The following AFF3 variants were observed in gnomAD, a reference collection of about 807,000 sequenced individuals.
The protein encoded by AFF3 is AF4/FMR2 family member 3.
In AFF3, 32 loss-of-function variants were observed where a neutral mutation model predicts 129.7. That is an observed-to-expected ratio of 0.25 (90% CI 0.19 to 0.33). AFF3 has a LOEUF of 0.33. AFF3 is among the 10% of genes least tolerant of loss of function. The pLI is 1.00. For missense variants in AFF3, 1,373 were observed against 1,592.0 expected, an observed-to-expected ratio of 0.86 and a Z score of 2.34; for synonymous variants, 644 against 635.4, an observed-to-expected ratio of 1.01 and a Z score of -0.20.
chr2:99,895,104 G>A (rs918198757), intron 7 of AFF3, among the ~76,000 whole-genome samples: 8 of 152,192 alleles, frequency 5.3e-5, no homozygotes, highest in Non-Finnish European at 1.0e-4. Context: ...AACTTCTTCT[G>A]TATAAGAAAG....
At chr2:99,712,685 T>C (rs1262971889) in intron 11 of AFF3, among the ~76,000 whole-genome samples, 1 of 152,234 alleles carries the variant, frequency 6.6e-6, no homozygotes, top group Non-Finnish European at 1.5e-5. Context: ...GGATACGGTA[T>C]AAAATGTACT....
At chr2:100,067,535 G>A (rs552045537) in intron 4 of AFF3, among the ~76,000 whole-genome samples, 5 of 152,090 alleles carry the variant, frequency 3.3e-5, no homozygotes, top group East Asian at 1.9e-4. Context: ...CAGCAACAAC[G>A]ACAACAAAAA....
chr2:100,142,241 C>T (rs957733977), intron 1 of AFF3, among the ~76,000 whole-genome samples: 8 of 152,164 alleles, frequency 5.3e-5, no homozygotes, highest in African/African-American at 1.9e-4. Flanking sequence ...CACACGCACA[C>T]ACACTGACGG....
At chr2:99,972,549 T>C (rs1288394585) in intron 7 of AFF3, among the ~76,000 whole-genome samples, 1 of 152,258 alleles carries the variant, frequency 6.6e-6, no homozygotes, top group Admixed American at 6.5e-5. Flanking sequence ...TTTTACCTCA[T>C]TAGTTCATTC....
At chr2:99,626,551 TCCCTC>T (rs1195223390) in intron 13 of AFF3, among the ~76,000 whole-genome samples, 2 of 109,862 alleles carry the variant, frequency 1.8e-5, no homozygotes, top group African/African-American at 3.5e-5. Context: ...TTCTCCCTTC[TCCCTC>T]CCCTCCCCTC....
intron 7 of AFF3, among the ~76,000 whole-genome samples, chr2:99,971,190 G>T (rs1049615703): frequency 6.6e-6 from 1 of 152,050 alleles, no homozygotes; most frequent in Non-Finnish European, 1.5e-5. Context: ...CCTCTGATGT[G>T]TCTCACAAGC....
At chr2:99,660,234 C>A (rs548651246) in intron 12 of AFF3, among the ~76,000 whole-genome samples, 1 of 152,266 alleles carries the variant, frequency 6.6e-6, no homozygotes, top group East Asian at 1.9e-4. Flanking sequence ...TTGTGAAATA[C>A]AAATGTTACT....
intron 4 of AFF3, among the ~76,000 whole-genome samples, chr2:100,020,849 G>A (rs768111761): frequency 2.5e-4 from 38 of 152,018 alleles, no homozygotes; most frequent in African/African-American, 7.2e-5. Context: ...CAGCCCATTC[G>A]CTCCTACCCC....
intron 10 of AFF3, among the ~76,000 whole-genome samples, chr2:99,730,987 T>G (rs1575812488): frequency 6.6e-6 from 1 of 152,288 alleles, no homozygotes; most frequent in Non-Finnish European, 1.5e-5. Flanking sequence ...GGAGTCCCAG[T>G]CTGTTGCCCA....
chr2:99,815,173 G>C (rs1306440931), intron 8 of AFF3, among the ~76,000 whole-genome samples: 3 of 152,062 alleles, frequency 2.0e-5, no homozygotes, highest in African/African-American at 7.2e-5. Context: ...ACAATGAGAA[G>C]AAAAATAGAG....
At chr2:99,719,636 A>G (rs1427314295) in intron 11 of AFF3, among the ~76,000 whole-genome samples, 1 of 151,936 alleles carries the variant, frequency 6.6e-6, no homozygotes, top group African/African-American at 2.4e-5. Context: ...TGCCTCTTAT[A>G]CTCTTTGTCT....
intron 7 of AFF3, among the ~76,000 whole-genome samples, chr2:99,850,695 T>G (rs944154711): frequency 1.3e-5 from 2 of 152,230 alleles, no homozygotes; most frequent in Non-Finnish European, 2.9e-5. Context: ...TCCAACAATT[T>G]TATTAATAAA....
At chr2:99,747,541 A>G (rs1681268433) in intron 9 of AFF3, among the ~76,000 whole-genome samples, 1 of 152,100 alleles carries the variant, frequency 6.6e-6, no homozygotes, top group Admixed American at 6.6e-5. Flanking sequence ...GTTGATCACA[A>G]GCAGAGAACC....
intron 7 of AFF3, among the ~76,000 whole-genome samples, chr2:99,858,815 G>C (rs1690733890): frequency 6.6e-6 from 1 of 152,126 alleles, no homozygotes; most frequent in African/African-American, 2.4e-5. Context: ...CTTAATACCT[G>C]GTTGATGAAA....
intron 4 of AFF3, among the ~76,000 whole-genome samples, chr2:100,015,879 T>C (rs1000847412): frequency 7.9e-5 from 12 of 152,024 alleles, no homozygotes; most frequent in Admixed American, 2.6e-4. Flanking sequence ...GTGGTGGTGA[T>C]AGTGGCAGCA....
intron 7 of AFF3, among the ~76,000 whole-genome samples, chr2:99,955,770 G>T (rs1676583340): frequency 6.6e-6 from 1 of 152,200 alleles, no homozygotes; most frequent in African/African-American, 2.4e-5. Flanking sequence ...GCGGGACACT[G>T]TTCCATGAAA....
At chr2:99,575,515 C>G (rs1676908727) in intron 18 of AFF3, among the ~76,000 whole-genome samples, 1 of 151,594 alleles carries the variant, frequency 6.6e-6, no homozygotes, top group African/African-American at 2.4e-5. Context: ...CCCACCTCGG[C>G]TCCCCCAAGT....
rs139403636 is a variant in AFF3, at chr2:100,105,636, C to T, written c.-144-53G>A. On this transcript the variant is annotated intron_variant, in intron 2 of 24. Transcript: ENST00000672756. The stretch of plus-strand genomic sequence containing the variant: ...GGCTCCTAAAGAGTAATAATAATCT[C>T]CCTCATTGTAAAGACAGCTCTTCCC... 1.8e-3 allele frequency: 2,369 copies of T among 1,340,578 alleles called. 34 individuals carry two copies. In the African/African-American group the frequency reaches 0.031, roughly 18 times the overall value. 83.0% of individuals were successfully genotyped at this position (1,340,578 alleles called of 1,614,324 possible).
chr2:100,103,619 A>G (rs1690932262), intron 4 of AFF3, among the ~76,000 whole-genome samples: 1 of 151,716 alleles, frequency 6.6e-6, no homozygotes, highest in Non-Finnish European at 1.5e-5. Context: ...TCCAGCGGCG[A>G]TTTACCTACA....
Sources: gnomAD v4.1 joint callset for allele counts (sites outside exome capture counted in the v4.1 genomes callset) on GRCh38, gnomAD v4.1.1 for gene constraint, MANE v1.5 for transcripts, NCBI Gene and HGNC (gene_info 2026-07-23, HGNC 2026-07-21) for gene names.